Variants in SGCD observed in about 807,000 individuals in gnomAD.
SGCD encodes the protein sarcoglycan delta.
Under a neutral mutation model 36.6 loss-of-function variants are expected in SGCD, and 18 were observed. The observed-to-expected ratio is 0.49, with a 90% CI of 0.34 to 0.73. The LOEUF is 0.73. Among genes scored for constraint, SGCD ranks in the 30% least tolerant of loss-of-function variants. The pLI is 0.01. For missense variants in SGCD, 387 were observed against 346.7 expected (o/e 1.12, Z -0.92); for synonymous variants, 133 against 130.6 (o/e 1.02, Z -0.12).
At chr5:156,525,498 C>G (rs184366369) in intron 4 of SGCD, among the ~76,000 whole-genome samples, 181 of 151,504 alleles carry the variant, frequency 1.2e-3, no homozygotes, top group Middle Eastern at 6.8e-3. Context: ...AGGTAGTTTT[C>G]AAATATGTTC....
At chr5:156,681,352 C>T (rs1753715017) in intron 7 of SGCD, among the ~76,000 whole-genome samples, 1 of 152,194 alleles carries the variant, frequency 6.6e-6, no homozygotes, top group Non-Finnish European at 1.5e-5. Flanking sequence ...CCACAACTGT[C>T]CTTAGTCTCC....
At chr5:156,407,620 A>G (rs945912539) in intron 3 of SGCD, among the ~76,000 whole-genome samples, 1 of 152,218 alleles carries the variant, frequency 6.6e-6, no homozygotes, top group Admixed American at 6.5e-5. Context: ...TACTCAGTTA[A>G]ATTTTCTATG....
Position 156,629,239 on chromosome 5 carries a change from A to G in SGCD, c.503-18225A>G, listed in dbSNP as rs1762541050. ...TGTATGCTCATGCAAAAACAATGTT[A>G]AAAAAATTCTTACTGCCCGATGACA... On this transcript the variant is annotated intron_variant, in intron 6 of 8. Transcript: ENST00000337851. 2.6e-5 allele frequency among the ~76,000 whole-genome samples: 4 copies of G among 152,170 alleles called. No individual in the cohort carries two copies. In the South Asian group the frequency reaches 8.3e-4, roughly 32 times the overall value.
intron 3 of SGCD, among the ~76,000 whole-genome samples, chr5:156,367,008 C>T (rs1400007724): frequency 1.3e-5 from 2 of 152,184 alleles, no homozygotes; most frequent in Admixed American, 6.5e-5. Context: ...ATAACTTCTA[C>T]ACCCTCAGTT....
At chr5:156,167,407 A>G (rs932931664) in intron 3 of SGCD, among the ~76,000 whole-genome samples, 1 of 152,092 alleles carries the variant, frequency 6.6e-6, no homozygotes, top group African/African-American at 2.4e-5. Flanking sequence ...TAGTACCTCC[A>G]ACATGGCCTT....
chr5:156,391,636 A>AATGTGTGTAT (rs1771575560), intron 3 of SGCD, among the ~76,000 whole-genome samples: 1 of 152,294 alleles, frequency 6.6e-6, no homozygotes, highest in Non-Finnish European at 1.5e-5. Context: ...TGTATAAGAA[A>AATGTGTGTAT]ATGTGTGTAT....
rs1480204289 is a variant in SGCD at position 155,961,870 on chromosome 5, AG to A, written c.-282+91447del. Among the ~76,000 whole-genome samples the A allele has an allele frequency of 3.3e-5, 5 of 152,128 alleles. No individual in the cohort carries two copies. The East Asian group carries it at 9.7e-4, about 29-fold the overall frequency. On this transcript the variant is annotated intron_variant, in intron 1 of 9. Transcript: ENST00000517913. ...CAGAATAGTACTTGGTATGGAAAAA[AG>A]CTTTCTGCGTAGATATTTGGTAAGT...
At chr5:156,072,086 T>C (rs550765398) in intron 1 of SGCD, among the ~76,000 whole-genome samples, 19 of 152,176 alleles carry the variant, frequency 1.2e-4, no homozygotes, top group Non-Finnish European at 2.6e-4. Context: ...CTTTATCCAA[T>C]TTGCCAGTCT....
chr5:156,453,969 T>C (rs892314746), intron 3 of SGCD, among the ~76,000 whole-genome samples: 5 of 152,146 alleles, frequency 3.3e-5, no homozygotes, highest in African/African-American at 4.8e-5. Context: ...TGGGAGAGAA[T>C]GTATTGCAAA....
chr5:156,282,033 A>G (rs1766467101), intron 3 of SGCD, among the ~76,000 whole-genome samples: 1 of 150,998 alleles, frequency 6.6e-6, no homozygotes, highest in African/African-American at 2.4e-5. Context: ...TCCATATCCA[A>G]AAAAAAAAAC....
At chr5:156,393,131 C>T (rs1367599481) in intron 3 of SGCD, among the ~76,000 whole-genome samples, 1 of 152,224 alleles carries the variant, frequency 6.6e-6, no homozygotes, top group Non-Finnish European at 1.5e-5. Context: ...ACGCCCTTCT[C>T]TTCTCAGCAT....
intron 4 of SGCD, among the ~76,000 whole-genome samples, chr5:156,588,564 A>G (rs1484376093): frequency 1.3e-5 from 2 of 152,160 alleles, no homozygotes; most frequent in African/African-American, 4.8e-5. Flanking sequence ...AGAAATGTGT[A>G]CCACTGTGTG....
rs370435811 is a variant in SGCD, at chr5:156,315,458, T to C, written c.-43-14076T>C. Reference sequence around the variant, plus strand: ...AATCACATTTTCTTTAACCACTCATTGGTTGATGGATGCTCAAGTCATTTT... The same window carrying C: ...AATCACATTTTCTTTAACCACTCATCGGTTGATGGATGCTCAAGTCATTTT... On this transcript the variant is annotated intron_variant, in intron 3 of 9. Coordinates refer to the SGCD transcript ENST00000517913. 1.1e-4 allele frequency among the ~76,000 whole-genome samples: 17 copies of C among 152,060 alleles called. No individual in the cohort carries two copies. In the East Asian group the frequency reaches 1.9e-3, roughly 17 times the overall value.
At chr5:155,802,409 C>CTACATAGTAACATA in the SGCD span, among the ~76,000 whole-genome samples, 1 of 152,148 alleles carries the variant, frequency 6.6e-6, no homozygotes, top group Non-Finnish European at 1.5e-5. Context: ...TACATAGTAA[C>CTACATAGTAACATA]GAATTCTACC....
At chr5:156,052,742 A>G (rs1391271700) in intron 1 of SGCD, among the ~76,000 whole-genome samples, 1 of 146,248 alleles carries the variant, frequency 6.8e-6, no homozygotes, top group African/African-American at 2.5e-5. Flanking sequence ...AAGGTACTAA[A>G]GTGTAAAACT....
In SGCD at chr5:156,762,058, G is replaced by C. The variant is rs1232531688; in HGVS notation, c.*2668G>C. The C allele has an allele frequency of 6.6e-6, 1 of 152,446 alleles. No individual in the cohort carries two copies. Among genetic ancestry groups the C allele is most frequent in the Non-Finnish European group, 1.5e-5 (1 of 68,006 alleles). 9.4% of individuals were successfully genotyped at this position (152,446 alleles called of 1,614,324 possible). A position where few individuals can be genotyped will look rare whatever the true frequency, so the allele number is the denominator to read the frequency against. On this transcript the variant is annotated 3_prime_UTR_variant, in exon 9 of 9. Coordinates refer to ENST00000337851, the MANE Select transcript of SGCD (RefSeq NM_000337.6). ...TTTTTATCCCAACACCCTCAAACTA[G>C]AATATTTGTCAGTGGTCAAGAGAAA...
rs138618004 is a variant in SGCD, at chr5:156,256,017, G to T, written c.-43-73517G>T. Among the ~76,000 whole-genome samples, 18 of 152,230 alleles carry T rather than the reference G, an allele frequency of 1.2e-4. No individual in the cohort carries two copies. The East Asian group carries it at 2.7e-3, about 23-fold the overall frequency. Reference sequence around the variant, plus strand: ...AAAGATACTCCCACTACACAGAAAAGGCTGGTTCTGCTCACATTATATCTA... The same window carrying T: ...AAAGATACTCCCACTACACAGAAAATGCTGGTTCTGCTCACATTATATCTA... On this transcript the variant is annotated intron_variant, in intron 3 of 9. Transcript: ENST00000517913.
intron 7 of SGCD, among the ~76,000 whole-genome samples, chr5:156,699,007 C>G (rs1754428902): frequency 6.6e-6 from 1 of 152,064 alleles, no homozygotes; most frequent in African/African-American, 2.4e-5. Flanking sequence ...AGGTTAAGAA[C>G]AGAATAAGCT....
chr5:156,087,323 G>T (rs1484986148), intron 1 of SGCD, among the ~76,000 whole-genome samples: 3 of 152,068 alleles, frequency 2.0e-5, no homozygotes, highest in Admixed American at 6.6e-5. Context: ...AGGCAAAGGT[G>T]CCCCCTTGAA....
Sources: allele counts gnomAD v4.1 joint callset (sites outside exome capture counted in the v4.1 genomes callset), GRCh38; gene constraint gnomAD v4.1.1; transcripts MANE v1.5; gene names NCBI Gene and HGNC (gene_info 2026-07-23, HGNC 2026-07-21).